The following GNB1 variants were observed in gnomAD, a reference collection of about 807,000 sequenced individuals.
GNB1 encodes G protein subunit beta 1, also known as guanine nucleotide-binding protein G(I)/G(S)/G(T) subunit beta-1.
A neutral mutation model predicts 42.9 loss-of-function variants in GNB1; 2 were observed. The ratio of observed to expected loss-of-function variants is 0.05; its 90% confidence interval spans 0.02 to 0.15. GNB1 has a LOEUF of 0.15. GNB1 is among the 10% of genes least tolerant of loss of function. The pLI is 1.00. For missense variants in GNB1, 193 were observed against 462.2 expected, an observed-to-expected ratio of 0.42 and a Z score of 5.34; for synonymous variants, 183 against 174.7, an observed-to-expected ratio of 1.05 and a Z score of -0.38.
intron 2 of GNB1, among the ~76,000 whole-genome samples, chr1:1,831,635 G>A (rs1647077051): frequency 6.6e-6 from 1 of 151,928 alleles, no homozygotes; most frequent in South Asian, 2.1e-4. Flanking sequence ...TTTTAGTAGA[G>A]ACAGGGTTTC....
rs1456059803 is a variant in GNB1 at position 1,785,399 on chromosome 1, G to A, written c.*1664C>T. On this transcript the variant is annotated 3_prime_UTR_variant, in exon 12 of 12. Coordinates refer to ENST00000378609, the MANE Select transcript of GNB1 (RefSeq NM_002074.5). ...CTGACTTTAAAATTAAATACAAAAG[G>A]TGGAAAGGGGTAAGGGTGCAGAGAG... 6.6e-6 allele frequency: 1 copy of A among 152,650 alleles called. No homozygotes were observed. Among genetic ancestry groups the A allele is most frequent in the Admixed American group, 6.5e-5 (1 of 15,274 alleles). 9.5% of individuals were successfully genotyped at this position (152,650 alleles called of 1,614,324 possible).
chr1:1,800,514 GA>G (rs1371340372), intron 7 of GNB1, among the ~76,000 whole-genome samples: 2 of 152,244 alleles, frequency 1.3e-5, no homozygotes, highest in African/African-American at 4.8e-5. Flanking sequence ...GAAGAAGTGG[GA>G]AAGTGATGAA....
rs1483495195 is a variant in GNB1, at chr1:1,786,436, G to A, written c.*627C>T. On this transcript the variant is annotated 3_prime_UTR_variant, in exon 12 of 12. Coordinates refer to ENST00000378609, the MANE Select transcript of GNB1 (RefSeq NM_002074.5). ...ACATGTTCTTTTCTATGCCACGTTT[G>A]TGTGCAACAATGATCTGTGACATCA... 3 of 202,530 alleles carry A rather than the reference G, an allele frequency of 1.5e-5. No homozygotes were observed. Among genetic ancestry groups the A allele is most frequent in the Non-Finnish European group, 3.0e-5 (3 of 101,442 alleles). The allele number at this position is 202,530 out of a possible 1,614,324, so 12.5% of individuals were successfully genotyped here. A position where few individuals can be genotyped will look rare whatever the true frequency, so the allele number is the denominator to read the frequency against.
rs556077872 is a variant in GNB1, at chr1:1,804,507, G to A, written c.342C>T (p.Cys114=). The A allele has an allele frequency of 4.5e-5, 73 of 1,612,944 alleles. No homozygotes were observed. The highest frequency in any genetic ancestry group is 1.1e-4 in the African/African-American group (8 of 74,964). The part of the protein sequence containing the change: ...AYAPSGNYVA[C]GGLDNICSIY... ...TGGAGCAAATGTTATCCAGGCCACC[G>A]CAGGCCACATAGTTCCCAGAAGGGG... The change falls in exon 7 of 12, where the codon TGC becomes TGT. Residue 114 remains cysteine, a synonymous_variant. Transcript: ENST00000378609.
At chr1:1,873,868 G>A (rs574064933) in intron 1 of GNB1, among the ~76,000 whole-genome samples, 2 of 152,244 alleles carry the variant, frequency 1.3e-5, no homozygotes, top group Admixed American at 1.3e-4. Flanking sequence ...CCATGGTGGA[G>A]CAGGATCCCT....
intron 9 of GNB1, among the ~76,000 whole-genome samples, chr1:1,789,865 A>G (rs895097672): frequency 3.9e-5 from 6 of 152,156 alleles, no homozygotes; most frequent in Non-Finnish European, 8.8e-5. Context: ...GTCATCACTG[A>G]CAGGTGTGCA....
intron 5 of GNB1, among the ~76,000 whole-genome samples, chr1:1,811,081 AT>A (rs70937196): frequency 0.26 from 19,270 of 73,012 alleles, 1,510 homozygotes; most frequent in Middle Eastern, 0.39. Context: ...ATATATATAT[AT>A]TTTTTTTTTT....
chr1:1,795,015 A>G (rs561044123), intron 7 of GNB1, among the ~76,000 whole-genome samples: 1 of 152,348 alleles, frequency 6.6e-6, no homozygotes, highest in Non-Finnish European at 1.5e-5. Flanking sequence ...TGGCTCTGAC[A>G]GAAGAAAAAT....
At chr1:1,826,055 A>C (rs1383915487) in intron 2 of GNB1, among the ~76,000 whole-genome samples, 1 of 152,220 alleles carries the variant, frequency 6.6e-6, no homozygotes, top group Non-Finnish European at 1.5e-5. Context: ...GGTGGGTTAT[A>C]AAAAGAAAAA....
At chr1:1,815,975 C>T (rs1646849479) in intron 4 of GNB1, 113 bp from the exon 5 acceptor site, 1 of 686,506 alleles carries the variant, frequency 1.5e-6, no homozygotes, top group Admixed American at 2.1e-5. Context: ...CTTCCCAGCC[C>T]TTCCCACAGT....
chr1:1,812,479 T>C (rs533747063), intron 5 of GNB1, among the ~76,000 whole-genome samples: 14 of 152,030 alleles, frequency 9.2e-5, no homozygotes, highest in African/African-American at 3.1e-4. Flanking sequence ...AACACTGGCC[T>C]ATCCAGAAAA....
At chr1:1,880,864 C>T (rs2101881918) in intron 1 of GNB1, among the ~76,000 whole-genome samples, 1 of 152,260 alleles carries the variant, frequency 6.6e-6, no homozygotes, top group Admixed American at 6.5e-5. Flanking sequence ...CTGCAGTGAA[C>T]CAGACTGCCT....
intron 1 of GNB1, among the ~76,000 whole-genome samples, chr1:1,871,475 C>A (rs1292708754): frequency 6.6e-6 from 1 of 152,028 alleles, no homozygotes. Context: ...TTCCCCACCC[C>A]CATTCACCTG....
intron 1 of GNB1, among the ~76,000 whole-genome samples, chr1:1,867,255 C>T (rs1046130649): frequency 6.6e-5 from 10 of 152,158 alleles, no homozygotes. Flanking sequence ...AAGAGCGAAA[C>T]TCCACCAAAA....
At chr1:1,791,076 G>A (rs1362097437) in intron 8 of GNB1, among the ~76,000 whole-genome samples, 5 of 152,244 alleles carry the variant, frequency 3.3e-5, no homozygotes, top group Middle Eastern at 3.4e-3. Context: ...GCCAATGCCA[G>A]GTAAACAAAT....
At chr1:1,849,364 T>A (rs1413184205) in intron 1 of GNB1, among the ~76,000 whole-genome samples, 1 of 152,156 alleles carries the variant, frequency 6.6e-6, no homozygotes, top group African/African-American at 2.4e-5. Context: ...ACTTCCTCCA[T>A]CTCACAGGGC....
intron 1 of GNB1, among the ~76,000 whole-genome samples, chr1:1,878,538 T>C (rs1570754116): frequency 6.6e-6 from 1 of 152,136 alleles, no homozygotes. Flanking sequence ...GGACCACCCT[T>C]TTCAACATGG....
At chr1:1,848,021 G>A (rs932698238) in intron 1 of GNB1, among the ~76,000 whole-genome samples, 2 of 138,540 alleles carry the variant, frequency 1.4e-5, no homozygotes, top group Non-Finnish European at 3.2e-5. Context: ...GAGCTTTTAT[G>A]GCACAGGAAC....
At position 1,808,690 on chromosome 1, in the gene GNB1, C is replaced by A. The variant is rs1174308516; in HGVS notation, c.204-2152G>T. Among the ~76,000 whole-genome samples the A allele has an allele frequency of 2.6e-5, 4 of 152,192 alleles. No individual in the cohort carries two copies. The South Asian group carries it at 6.2e-4, about 24-fold the overall frequency. On this transcript the variant is annotated intron_variant, in intron 5 of 11. Transcript: ENST00000378609. ...ACAGAGTCTCGCTCTGTCACCCAGG[C>A]TGGAGTGCAGTGGTGTGATCTCAGC...
Sources: gnomAD v4.1 joint callset for allele counts (sites outside exome capture counted in the v4.1 genomes callset) on GRCh38, gnomAD v4.1.1 for gene constraint, MANE v1.5 for transcripts, NCBI Gene and HGNC (gene_info 2026-07-23, HGNC 2026-07-21) for gene names.